Variants in IGSF1 observed in about 807,000 individuals in gnomAD.
The protein encoded by IGSF1 is immunoglobulin-like domain-containing protein 1.
In IGSF1, 40 loss-of-function variants were observed where a neutral mutation model predicts 95.3. That is an observed-to-expected ratio of 0.42 (90% CI 0.33 to 0.55). The LOEUF is 0.55. IGSF1 is among the 20% of genes least tolerant of loss of function. The pLI, the probability that IGSF1 is intolerant of heterozygous loss-of-function variation, is 0.10. For synonymous variants in IGSF1, 372 were observed against 382.9 expected, an observed-to-expected ratio of 0.97 and a Z score of 0.33; for missense variants, 906 against 1,025.4, an observed-to-expected ratio of 0.88 and a Z score of 1.59.
intron 8 of IGSF1, 53 bp from the exon 9 acceptor site, chrX:131,281,391 G>A: frequency 8.4e-7 from 1 of 1,188,233 alleles, no homozygotes; most frequent in Admixed American, 2.2e-5. Context: ...AGGGGCAGGT[G>A]AATACATTCA....
At chrX:131,278,396 A>T in intron 12 of IGSF1, 65 bp downstream of exon 12, 1 of 1,015,342 alleles carries the variant, frequency 9.8e-7, no homozygotes, top group Non-Finnish European at 1.3e-6. Flanking sequence ...CCTCACTCCC[A>T]GGAGCAGTGT....
chrX:131,274,485 C>A, intron 18 of IGSF1, 114 bp downstream of exon 18: 1 of 817,091 alleles, frequency 1.2e-6, no homozygotes, highest in East Asian at 3.2e-5. Flanking sequence ...TGACACACTT[C>A]AGGTCCCTGG....
At chrX:131,288,554 TA>T (rs1311831557) in intron 1 of IGSF1, among the ~76,000 whole-genome samples, 1 of 111,768 alleles carries the variant, frequency 8.9e-6, no homozygotes, top group Non-Finnish European at 1.9e-5. Context: ...CTTGGACCCC[TA>T]AACCAGGATC....
chrX:131,282,059 GC>G (rs1169403334), intron 7 of IGSF1, 115 bp from the exon 8 acceptor site: 1 of 675,998 alleles, frequency 1.5e-6, no homozygotes, highest in African/African-American at 2.2e-5. Flanking sequence ...CTTCCACTTG[GC>G]CAGTGGCTTC....
At position 131,278,090 on chromosome X, in the gene IGSF1, C is replaced by A; in HGVS notation, c.2086G>T (p.Gly696Cys). The A allele has an allele frequency of 8.3e-7, 1 of 1,210,904 alleles. No individual in the cohort carries two copies. Among genetic ancestry groups the A allele is most frequent in the Non-Finnish European group, 1.1e-6 (1 of 894,970 alleles). Residue 696 changes from glycine to cysteine, a missense_variant, in exon 13 of 20, where the codon GGC becomes TGC. Physicochemically the swap from Gly to Cys is radical, Grantham distance 159. This residue lies in a region of IGSF1 where 411 missense variants were observed against 494.9 expected (regional missense o/e 0.83). Transcript: ENST00000361420. ...PVISASPTIR[G>C]QELQLRCKGW... is the part of the protein sequence containing the mutation. ...TTGCACCGGAGTTGTAGTTCCTGGC[C>A]CCGGATTGTGGGGGAAGCAGAAATG...
intron 11 of IGSF1, 135 bp downstream of exon 11, chrX:131,279,008 G>A: frequency 1.3e-6 from 1 of 741,144 alleles, no homozygotes; most frequent in Admixed American, 2.5e-5. Context: ...AATTTTGCCA[G>A]CAGCTTTAGC....
chrX:131,282,561 A>G lies in IGSF1; in HGVS notation c.1129T>C (p.Phe377Leu). 1.7e-6 allele frequency: 2 copies of G among 1,210,673 alleles called. No homozygotes were observed. The highest frequency in any genetic ancestry group is 1.8e-5 in the South Asian group (1 of 56,948). ...CTGTAGGTTACATTGTTGAGGAAGA[A>G]TGATGTGTTGTCATCGATGCTGGTG... Reference protein sequence around the residue: ...DATSIDDNTSFFLNNVTYSDT... With the variant: ...DATSIDDNTSLFLNNVTYSDT... The change falls in exon 7 of 20, where the codon TTC becomes CTC. Residue 377 changes from phenylalanine to leucine, a missense_variant. Phe to Leu is a conservative substitution (Grantham distance 22). Around this residue, in one of 5 missense-constraint regions of IGSF1, gnomAD observed 442 missense variants for 448.1 expected, o/e 0.99. Transcript: ENST00000361420.
At chrX:131,289,428 C>A, upstream of IGSF1, 1 of 349,448 alleles carries the variant, frequency 2.9e-6, no homozygotes, top group East Asian at 8.3e-5. Flanking sequence ...TGCCTGGCAC[C>A]TGCAGTCCTC....
At position 131,274,888 on chromosome X, in the gene IGSF1, C is replaced by T. The variant is rs2080457001; in HGVS notation, c.3473-11G>A. 3 of 1,208,717 alleles carry T rather than the reference C, an allele frequency of 2.5e-6. No individual in the cohort carries two copies. Among genetic ancestry groups the T allele is most frequent in the South Asian group, 1.8e-5 (1 of 56,425 alleles). On this transcript the variant is annotated splice_polypyrimidine_tract_variant and intron_variant, in intron 17 of 19. Coordinates refer to ENST00000361420, the MANE Select transcript of IGSF1 (RefSeq NM_001555.5). ...GTTTAGGGGGCTTATCTGCAACCAA[C>T]AAGGACACAGAGTTAAAAGAAATGA...
intron 4 of IGSF1, 150 bp from the exon 5 acceptor site, chrX:131,285,616 C>A: frequency 2.5e-6 from 2 of 806,143 alleles, no homozygotes; most frequent in South Asian, 5.3e-5. Flanking sequence ...GAGTCTGCAT[C>A]CCCCCTCTGC....
rs374068628 is a variant in IGSF1 at position 131,286,682 on chromosome X, C to G, written c.-8G>C. On this transcript the variant is annotated 5_prime_UTR_variant, in exon 2 of 20. Transcript: ENST00000361420. ...TGGTCTGTCCAGGGTCATGGGGCCT[C>G]TGGTGCTGGCTGTGTGCTCTGAGTC... The G allele has an allele frequency of 2.6e-6, 3 of 1,147,518 alleles. No homozygotes were observed. Among genetic ancestry groups the G allele is most frequent in the Non-Finnish European group, 3.5e-6 (3 of 866,203 alleles). 94.6% of individuals were successfully genotyped at this position (1,147,518 alleles called of 1,213,427 possible).
At chrX:131,282,775 C>A in intron 6 of IGSF1, 38 bp from the exon 7 acceptor site, 1 of 1,120,465 alleles carries the variant, frequency 8.9e-7, no homozygotes. Flanking sequence ...CTAGTGATTT[C>A]ACTTCCTGCT....
intron 7 of IGSF1, 77 bp downstream of exon 7, chrX:131,282,366 CT>C (rs2080574382): frequency 2.5e-6 from 2 of 804,213 alleles, no homozygotes; most frequent in South Asian, 4.8e-5. Context: ...GGATATGAGG[CT>C]ACTAGCTCCT....
At chrX:131,284,897 A>G in intron 5 of IGSF1, 2 of 748,935 alleles carry the variant, frequency 2.7e-6, no homozygotes, top group Non-Finnish European at 3.4e-6. Context: ...GAATGAATGC[A>G]TGATATTCAA....
At chrX:131,279,078 G>T in intron 11 of IGSF1, 65 bp downstream of exon 11, 1 of 1,074,580 alleles carries the variant, frequency 9.3e-7, no homozygotes, top group Non-Finnish European at 1.3e-6. Flanking sequence ...CAATGACACT[G>T]ACGCTCTGTA....
In IGSF1 at chrX:131,275,154, G is replaced by A. The variant is rs1462195294; in HGVS notation, c.3317C>T (p.Pro1106Leu). 1.7e-6 allele frequency: 2 copies of A among 1,209,982 alleles called. No individual in the cohort carries two copies. The highest frequency in any genetic ancestry group is 3.5e-5 in the African/African-American group (2 of 57,090). ...CCCACTTGGCCTCTGTTGCTCTAAA[G>A]GCTCCTGAGCCCCCTCCTTCAACAG... ...FVLLKEGAQE[P>L]LEQQRPSGYR... is the part of the protein sequence containing the mutation. The change falls in exon 17 of 20, where the codon CCT (proline) becomes CTT (leucine). Residue 1106 changes from proline (P) to leucine (L), a missense_variant. Transcript: ENST00000361420.
intron 4 of IGSF1, 102 bp from the exon 5 acceptor site, chrX:131,285,568 C>T: frequency 2.2e-6 from 2 of 927,996 alleles, no homozygotes; most frequent in South Asian, 5.0e-5. Context: ...CCTGTATGAT[C>T]CTTGTTTGCC....
At position 131,276,066 on chromosome X, in the gene IGSF1, T is replaced by G; in HGVS notation, c.2791A>C (p.Thr931Pro). The change falls in exon 15 of 20, where the codon ACT (threonine) becomes CCT (proline). Residue 931 changes from threonine to proline, a missense_variant. Around this residue, in one of 5 missense-constraint regions of IGSF1, gnomAD observed 411 missense variants for 494.9 expected, o/e 0.83. Coordinates refer to ENST00000361420, the MANE Select transcript of IGSF1 (RefSeq NM_001555.5). ...SGNSADFLLH[T>P]VGAEDSGNYS... ...TTCCCAGAGTCCTCTGCTCCAACAG[T>G]GTGGAGAAGGAAGTCAGCTGAGTTC... is the stretch of plus-strand genomic sequence containing the variant. 8.3e-7 allele frequency: 1 copy of G among 1,208,274 alleles called. No individual in the cohort carries two copies. Among genetic ancestry groups the G allele is most frequent in the Non-Finnish European group, 1.1e-6 (1 of 893,195 alleles).
In IGSF1 at chrX:131,277,022, C is replaced by A. The variant is rs2080484643; in HGVS notation, c.2525G>T (p.Gly842Val). ...TCGGCAGCTGTAATTCCCTCCATCA[C>A]CAATGCCCACCGAAATGATTAGAAA... ...AHFLIISVGIGDGGNYSCRYY... is the reference protein window; with the variant it reads ...AHFLIISVGIVDGGNYSCRYY... The change falls in exon 14 of 20, where the codon GGT (glycine) becomes GTT (valine). Residue 842 changes from glycine (G) to valine (V), a missense_variant. Gly to Val is a moderately radical substitution (Grantham distance 109, BLOSUM62 -3). Around this residue, in one of 5 missense-constraint regions of IGSF1, gnomAD observed 411 missense variants for 494.9 expected, o/e 0.83. Transcript: ENST00000361420. 11 of 1,208,560 alleles carry A rather than the reference C, an allele frequency of 9.1e-6. No homozygotes were observed. Among genetic ancestry groups the A allele is most frequent in the Middle Eastern group, 2.3e-4 (1 of 4,371 alleles).
Sources: allele counts gnomAD v4.1 joint callset (sites outside exome capture counted in the v4.1 genomes callset), GRCh38; gene constraint gnomAD v4.1.1; regional missense constraint gnomAD v4.1.1; transcripts MANE v1.5; gene names NCBI Gene and HGNC (gene_info 2026-07-23, HGNC 2026-07-21).